Variants in MROH9 observed in about 807,000 individuals in gnomAD.
MROH9 encodes maestro heat-like repeat-containing protein family member 9.
In MROH9, 92 loss-of-function variants were observed where a neutral mutation model predicts 98.2. That is an observed-to-expected ratio of 0.94 (90% CI 0.79 to 1.11). MROH9 has a LOEUF of 1.11. Among genes scored for constraint, MROH9 ranks in the 50% most tolerant of loss-of-function variants. MROH9 has a pLI of 0.00. For synonymous variants in MROH9, 397 were observed against 368.9 expected, an observed-to-expected ratio of 1.08 and a Z score of -0.87; for missense variants, 1,057 against 1,014.8, an observed-to-expected ratio of 1.04 and a Z score of -0.57.
At chr1:171,017,627 G>A (rs1652371954) in intron 17 of MROH9, among the ~76,000 whole-genome samples, 1 of 151,784 alleles carries the variant, frequency 6.6e-6, no homozygotes, top group Non-Finnish European at 1.5e-5. Context: ...CACTCAGACT[G>A]ATAGCCACCT....
intron 20 of MROH9, among the ~76,000 whole-genome samples, chr1:171,038,934 A>G (rs963919318): frequency 6.0e-5 from 9 of 149,734 alleles, no homozygotes; most frequent in African/African-American, 1.7e-4. Context: ...ATTCATGAAG[A>G]AAAAAAAAAG....
intron 1 of MROH9, among the ~76,000 whole-genome samples, chr1:170,936,717 GTTGAAATGTAGTGGGA>G (rs1431909635): frequency 6.6e-6 from 1 of 152,162 alleles, no homozygotes; most frequent in Non-Finnish European, 1.5e-5. Flanking sequence ...CATTTAACAT[GTTGAAATGTAGTGGGA>G]TTGATAAGGA....
At chr1:170,992,787 G>A (rs1328164374) in intron 12 of MROH9, among the ~76,000 whole-genome samples, 2 of 152,146 alleles carry the variant, frequency 1.3e-5, no homozygotes, top group East Asian at 1.9e-4. Flanking sequence ...GCGAATACAA[G>A]GAAGCCAAAG....
chr1:170,959,014 T>G (rs1649901681), intron 4 of MROH9, among the ~76,000 whole-genome samples: 3 of 152,176 alleles, frequency 2.0e-5, no homozygotes, highest in African/African-American at 4.8e-5. Context: ...ATTATCATTT[T>G]TAAGAGAATA....
intron 20 of MROH9, among the ~76,000 whole-genome samples, chr1:171,036,460 T>C (rs1204325941): frequency 6.6e-6 from 1 of 152,104 alleles, no homozygotes; most frequent in Non-Finnish European, 1.5e-5. Flanking sequence ...GAAATTGATA[T>C]AAACACTCAG....
chr1:170,957,195 T>C (rs981533608), intron 3 of MROH9, among the ~76,000 whole-genome samples: 1 of 152,188 alleles, frequency 6.6e-6, no homozygotes, highest in Non-Finnish European at 1.5e-5. Flanking sequence ...ACTTGTTTAA[T>C]TTTGCTTTTG....
At chr1:170,945,689 A>T in intron 2 of MROH9, 108 bp downstream of exon 2, 2 of 935,616 alleles carry the variant, frequency 2.1e-6, no homozygotes, top group Non-Finnish European at 3.1e-6. Context: ...TGTAACCATG[A>T]TAACAAAGAA....
At chr1:170,965,339 G>C (rs1650192939) in intron 7 of MROH9, 84 bp downstream of exon 7, 1 of 894,072 alleles carries the variant, frequency 1.1e-6, no homozygotes, top group African/African-American at 1.6e-5. Flanking sequence ...GGTCCTAACA[G>C]TACTTGACAG....
rs572175980 is a variant in MROH9 at position 170,952,222 on chromosome 1, C to T, written c.72+4649C>T. Among the ~76,000 whole-genome samples, 128 of 151,952 alleles carry T rather than the reference C, an allele frequency of 8.4e-4. 1 individual carries two copies. The highest frequency in any genetic ancestry group is 1.7e-3 in the Admixed American group (26 of 15,266). On this transcript the variant is annotated intron_variant, in intron 3 of 21. Coordinates refer to ENST00000367759, the MANE Select transcript of MROH9 (RefSeq NM_001163629.2). ...CCTCAGGGATCTAGAACTAGAAATA[C>T]CATTTGACCCAGCCATCCCATTACT...
At position 170,986,666 on chromosome 1, in the gene MROH9, A is replaced by G. The variant is rs972361435; in HGVS notation, c.835A>G (p.Ile279Val). Residue 279 changes from isoleucine (I) to valine (V), a missense_variant, in exon 10 of 22, where the codon ATA (isoleucine) becomes GTA (valine). By Grantham distance (29) the Ile-to-Val change is conservative (BLOSUM62 3). Transcript: ENST00000367759. ...DDKIASDAAS[I>V]LIFTLEFHAE... ...TAAAATCGCATCTGATGCAGCATCC[A>G]TACTGATATTTACTCTGGAATTTCA... 3 of 1,613,856 alleles carry G rather than the reference A, an allele frequency of 1.9e-6. No homozygotes were observed. The highest frequency in any genetic ancestry group is 2.7e-5 in the African/African-American group (2 of 74,926).
chr1:170,966,084 A>C (rs1650226683), intron 7 of MROH9, among the ~76,000 whole-genome samples: 1 of 152,070 alleles, frequency 6.6e-6, no homozygotes, highest in Non-Finnish European at 1.5e-5. Flanking sequence ...GTGTACCTGG[A>C]AAGGCTTAGA....
intron 20 of MROH9, 78 bp downstream of exon 20, chr1:171,025,498 C>A: frequency 3.1e-6 from 3 of 974,606 alleles, no homozygotes; most frequent in South Asian, 1.5e-5. Context: ...GTCTTTCTTA[C>A]ATTTTTTTTA....
In MROH9 at chr1:170,998,542, C is replaced by G. The variant is rs1651674216; in HGVS notation, c.1596+268C>G. ...TACAAAAACTAATTATTTTTTAGGACCAGTTTATATATTTCTGCATGATTG... is the reference window on the plus strand; with the variant it reads ...TACAAAAACTAATTATTTTTTAGGAGCAGTTTATATATTTCTGCATGATTG... On this transcript the variant is annotated intron_variant, in intron 15 of 21. Transcript: ENST00000367759. 7.8e-6 allele frequency: 11 copies of G among 1,413,288 alleles called. No homozygotes were observed. The South Asian group carries it at 1.7e-4, about 22-fold the overall frequency. The allele number at this position is 1,413,288 out of a possible 1,614,324, so 87.5% of individuals were successfully genotyped here. A position where few individuals can be genotyped will look rare whatever the true frequency, so the allele number is the denominator to read the frequency against.
intron 8 of MROH9, among the ~76,000 whole-genome samples, chr1:170,976,309 C>T (rs1182716066): frequency 6.6e-6 from 1 of 152,100 alleles, no homozygotes; most frequent in Non-Finnish European, 1.5e-5. Flanking sequence ...ATATTTAGTG[C>T]CCTTTTCAGG....
intron 5 of MROH9, among the ~76,000 whole-genome samples, chr1:170,960,046 C>T (rs1384814146): frequency 1.3e-5 from 2 of 152,194 alleles, no homozygotes; most frequent in Non-Finnish European, 2.9e-5. Flanking sequence ...AGCCACCTCT[C>T]TCCTTTCTTC....
At chr1:170,982,063 T>G (rs1248633579) in intron 8 of MROH9, among the ~76,000 whole-genome samples, 2 of 152,210 alleles carry the variant, frequency 1.3e-5, no homozygotes, top group African/African-American at 4.8e-5. Flanking sequence ...ATAGCTATCA[T>G]ATGATTCAGT....
intron 15 of MROH9, among the ~76,000 whole-genome samples, chr1:171,010,449 C>G (rs1652112088): frequency 6.6e-6 from 1 of 152,094 alleles, no homozygotes; most frequent in Non-Finnish European, 1.5e-5. Flanking sequence ...TGGGTATATA[C>G]CTAGTAATGG....
At chr1:171,010,436 C>T (rs1652110984) in intron 15 of MROH9, among the ~76,000 whole-genome samples, 1 of 152,080 alleles carries the variant, frequency 6.6e-6, no homozygotes, top group East Asian at 1.9e-4. Context: ...ACTTATAATC[C>T]TTTGGGTATA....
At chr1:170,975,686 T>C (rs1280244456) in intron 8 of MROH9, among the ~76,000 whole-genome samples, 1 of 151,732 alleles carries the variant, frequency 6.6e-6, no homozygotes, top group East Asian at 1.9e-4. Flanking sequence ...ATGACCTTTT[T>C]TGCCTCAATG....
Sources: gnomAD v4.1 joint callset for allele counts (sites outside exome capture counted in the v4.1 genomes callset) on GRCh38, gnomAD v4.1.1 for gene constraint, MANE v1.5 for transcripts, NCBI Gene and HGNC (gene_info 2026-07-23, HGNC 2026-07-21) for gene names.